Variants in PGCKA1 observed in about 807,000 individuals in gnomAD.
PGCKA1 encodes PDCD10 and GCKIII kinases associated 1, also known as PDCD10 and GCKIII kinases-associated protein 1.
At chr4:37,542,552 T>C in the PGCKA1 span, among the ~76,000 whole-genome samples, 24 of 148,138 alleles carry the variant, frequency 1.6e-4, no homozygotes, top group Non-Finnish European at 3.0e-4. Flanking sequence ...CACTATCCAA[T>C]AGAACTTTCT....
the PGCKA1 span, among the ~76,000 whole-genome samples, chr4:37,490,555 T>C: frequency 6.6e-6 from 1 of 152,244 alleles, no homozygotes; most frequent in South Asian, 2.1e-4. Flanking sequence ...TGGAGACAGG[T>C]AAATATTAAC....
At chr4:37,533,564 A>C in the PGCKA1 span, among the ~76,000 whole-genome samples, 1 of 152,194 alleles carries the variant, frequency 6.6e-6, no homozygotes, top group Non-Finnish European at 1.5e-5. Flanking sequence ...ACATTCTTTG[A>C]CCTGCAAAAT....
chr4:37,538,592 G>T, the PGCKA1 span, among the ~76,000 whole-genome samples: 10 of 152,166 alleles, frequency 6.6e-5, no homozygotes, highest in Non-Finnish European at 1.3e-4. Flanking sequence ...GGGGTCTTTA[G>T]CTGTTTGGAA....
At chr4:37,467,096 T>C in the PGCKA1 span, among the ~76,000 whole-genome samples, 1 of 152,136 alleles carries the variant, frequency 6.6e-6, no homozygotes, top group South Asian at 2.1e-4. Flanking sequence ...AGACTCCATC[T>C]CAGAAAAAGA....
At chr4:37,513,302 G>C in the PGCKA1 span, among the ~76,000 whole-genome samples, 1 of 152,176 alleles carries the variant, frequency 6.6e-6, no homozygotes, top group African/African-American at 2.4e-5. Flanking sequence ...TAGTCAGCTA[G>C]GGCTGCCATC....
the PGCKA1 span, among the ~76,000 whole-genome samples, chr4:37,556,250 C>CT: frequency 6.5e-5 from 8 of 123,508 alleles, no homozygotes; most frequent in South Asian, 2.5e-4. Flanking sequence ...TTTTCTTTTT[C>CT]TTTTTTTTGT....
chr4:37,492,938 C>A, the PGCKA1 span, among the ~76,000 whole-genome samples: 1 of 152,124 alleles, frequency 6.6e-6, no homozygotes, highest in African/African-American at 2.4e-5. This position sits in a 1 kb window ranked among gnomAD's most constrained non-coding sequence, Gnocchi z 4.7. Context: ...TTCTCAGGTC[C>A]ACTGAGTGAC....
At chr4:37,554,966 A>G in the PGCKA1 span, among the ~76,000 whole-genome samples, 7 of 152,188 alleles carry the variant, frequency 4.6e-5, no homozygotes, top group Non-Finnish European at 5.9e-5. Context: ...TTGGTAGGCA[A>G]TACGGAACCA....
the PGCKA1 span, chr4:37,590,178 A>G: frequency 2.6e-4 from 426 of 1,614,206 alleles, 2 homozygotes; most frequent in East Asian, 2.7e-3. Context: ...CTGATAAATT[A>G]AAAGGCAAAT....
the PGCKA1 span, among the ~76,000 whole-genome samples, chr4:37,455,767 C>T: frequency 0.023 from 3,522 of 152,312 alleles, 56 homozygotes; most frequent in Middle Eastern, 0.051. Context: ...GGCTAAGCTC[C>T]GGCCAGAATC....
At chr4:37,552,981 T>C in the PGCKA1 span, among the ~76,000 whole-genome samples, 2 of 152,246 alleles carry the variant, frequency 1.3e-5, no homozygotes, top group East Asian at 3.8e-4. Context: ...TTTTTGCTTT[T>C]ACTAAAACTG....
At chr4:37,532,229 C>T in the PGCKA1 span, among the ~76,000 whole-genome samples, 1 of 152,176 alleles carries the variant, frequency 6.6e-6, no homozygotes, top group Non-Finnish European at 1.5e-5. Flanking sequence ...GTTAAGTCTA[C>T]AGCTGCTACA....
At chr4:37,580,838 C>G in the PGCKA1 span, among the ~76,000 whole-genome samples, 1 of 152,212 alleles carries the variant, frequency 6.6e-6, no homozygotes, top group Admixed American at 6.5e-5. Context: ...TCCTTCCCTT[C>G]AGGGTGACAA....
chr4:37,580,004 A>G, the PGCKA1 span, among the ~76,000 whole-genome samples: 1 of 152,142 alleles, frequency 6.6e-6, no homozygotes, highest in Admixed American at 6.5e-5. Flanking sequence ...ATTTTTAAAT[A>G]GCATGTCTTC....
chr4:37,493,553 A>G, the PGCKA1 span, among the ~76,000 whole-genome samples: 1 of 152,242 alleles, frequency 6.6e-6, no homozygotes, highest in Admixed American at 6.5e-5. Context: ...GAATGATTAA[A>G]TAGGAGACTA....
the PGCKA1 span, among the ~76,000 whole-genome samples, chr4:37,464,632 TCCC>T: frequency 6.6e-6 from 1 of 152,126 alleles, no homozygotes; most frequent in Non-Finnish European, 1.5e-5. Flanking sequence ...TTCTCCTGGC[TCCC>T]CTCGTCTTGA....
At chr4:37,478,144 C>CG in the PGCKA1 span, among the ~76,000 whole-genome samples, 266 of 102,594 alleles carry the variant, frequency 2.6e-3, 9 homozygotes, top group African/African-American at 8.1e-3. Flanking sequence ...TTAAAAACAC[C>CG]CCCCCCCACC....
chr4:37,518,481 G>T, the PGCKA1 span, among the ~76,000 whole-genome samples: 2 of 152,194 alleles, frequency 1.3e-5, no homozygotes, highest in South Asian at 2.1e-4. Context: ...GGGTGAGATA[G>T]TATCTCATTG....
chr4:37,579,366 G>C, the PGCKA1 span, among the ~76,000 whole-genome samples: 5 of 152,122 alleles, frequency 3.3e-5, no homozygotes, highest in African/African-American at 1.2e-4. Context: ...AGTGAGTTTT[G>C]TACCTTTAGA....
Sources: gnomAD v4.1 joint callset for allele counts (sites outside exome capture counted in the v4.1 genomes callset) on GRCh38, gnomAD v4.1.1 for gene constraint, Gnocchi (gnomAD v3.1) non-coding constraint, MANE v1.5 for transcripts, NCBI Gene and HGNC (gene_info 2026-07-23, HGNC 2026-07-21) for gene names.